Variants in DYNC2I1 observed in about 807,000 individuals in gnomAD.
DYNC2I1 encodes the protein dynein 2 intermediate chain 1, also known as cytoplasmic dynein 2 intermediate chain 1.
In DYNC2I1, 89 loss-of-function variants were observed where a neutral mutation model predicts 133.4. The ratio of observed to expected loss-of-function variants is 0.67; its 90% CI spans 0.56 to 0.80. The LOEUF is 0.80. DYNC2I1 is among the 30% of genes least tolerant of loss of function. DYNC2I1 has a pLI of 0.00. For missense variants in DYNC2I1, 1,291 were observed against 1,314.5 expected, an observed-to-expected ratio of 0.98 and a Z score of 0.28; for synonymous variants, 504 against 484.3, an observed-to-expected ratio of 1.04 and a Z score of -0.54.
intron 8 of DYNC2I1, among the ~76,000 whole-genome samples, chr7:158,900,863 G>A (rs956648385): frequency 2.0e-5 from 3 of 150,742 alleles, no homozygotes; most frequent in African/African-American, 7.3e-5. Context: ...GCCCATCAAA[G>A]TTGTTCTTCA....
chr7:158,952,720 A>G (rs1852090469), intron 4 of DYNC2I1, among the ~76,000 whole-genome samples: 1 of 151,416 alleles, frequency 6.6e-6, no homozygotes, highest in Admixed American at 6.6e-5. Flanking sequence ...GCATCGTAAG[A>G]CAGAGTCCGC....
rs368143870 is a variant in DYNC2I1, at chr7:158,926,219, C to A, written c.2290C>A (p.Pro764Thr). The change falls in exon 18 of 25, where the codon CCT (proline) becomes ACT (threonine). Residue 764 changes from proline (P) to threonine (T), a missense_variant. Pro to Thr is a conservative substitution (Grantham distance 38). Transcript: ENST00000407559. Reference protein sequence around the residue: ...GILTSVNHRSPLQAVEPISTS... With the variant: ...GILTSVNHRSTLQAVEPISTS... Reference sequence around the variant, plus strand: ...CCTTACCTCAGTAAACCACCGAAGCCCTCTTCAAGCAGTAGAACCTATCTC... The same window carrying A: ...CCTTACCTCAGTAAACCACCGAAGCACTCTTCAAGCAGTAGAACCTATCTC... 4.8e-5 allele frequency: 77 copies of A among 1,613,484 alleles called. No homozygotes were observed. The highest frequency in any genetic ancestry group is 6.4e-5 in the Non-Finnish European group (75 of 1,179,782).
downstream of DYNC2I1, among the ~76,000 whole-genome samples, chr7:158,957,105 C>G (rs1425767637): frequency 6.6e-6 from 1 of 151,960 alleles, no homozygotes; most frequent in East Asian, 1.9e-4. Context: ...ACCTTGCTCT[C>G]CACGACTTTA....
chr7:158,890,447 A>G (rs1845093715), intron 7 of DYNC2I1, among the ~76,000 whole-genome samples: 1 of 152,130 alleles, frequency 6.6e-6, no homozygotes. Flanking sequence ...CACTGAATTT[A>G]TCTTGGTTCA....
rs1851788927 is a variant in DYNC2I1, at chr7:158,945,472, T to A, written c.3003-109T>A. On this transcript the variant is annotated intron_variant, in intron 24 of 24. Coordinates refer to ENST00000407559, the MANE Select transcript of DYNC2I1 (RefSeq NM_018051.5). This position sits in a 1 kb window ranked among gnomAD's most constrained non-coding sequence, Gnocchi z 4.1. The stretch of plus-strand genomic sequence containing the variant: ...TTTGGCTATTGGTATTTTTAGAATT[T>A]CTCATCCGTTTCACTCTTCCCATGG... The A allele has an allele frequency of 2.5e-6, 3 of 1,220,028 alleles. No individual in the cohort carries two copies. The highest frequency in any genetic ancestry group is 3.4e-6 in the Non-Finnish European group (3 of 891,926). The allele number at this position is 1,220,028 out of a possible 1,614,324, so 75.6% of individuals were successfully genotyped here.
Position 158,860,094 on chromosome 7 carries a change from C to T in DYNC2I1, c.15+3344C>T, listed in dbSNP as rs529118425. Among the ~76,000 whole-genome samples, 7 of 149,952 alleles carry T rather than the reference C, an allele frequency of 4.7e-5. 1 individual carries two copies. The South Asian group carries it at 1.1e-3, about 23-fold the overall frequency. ...TTTGGAGACGAAGTCTCACTCTTGT[C>T]CCCTAGGCTGGAGTGCAGTGGTATG... On this transcript the variant is annotated intron_variant, in intron 1 of 24. Coordinates refer to ENST00000407559, the MANE Select transcript of DYNC2I1 (RefSeq NM_018051.5).
chr7:158,853,357 G>C (rs1421337452), upstream of DYNC2I1, among the ~76,000 whole-genome samples: 1 of 152,138 alleles, frequency 6.6e-6, no homozygotes, highest in Non-Finnish European at 1.5e-5. Flanking sequence ...CCTCCCTTTT[G>C]GAATCACGGA....
chr7:158,870,672 C>G (rs1462200200), intron 2 of DYNC2I1, among the ~76,000 whole-genome samples: 4 of 151,994 alleles, frequency 2.6e-5, no homozygotes, highest in Admixed American at 2.6e-4. Flanking sequence ...CATGCCTGGT[C>G]CTACTTATTT....
At chr7:158,941,239 T>C (rs542246115) in intron 23 of DYNC2I1, among the ~76,000 whole-genome samples, 2 of 152,152 alleles carry the variant, frequency 1.3e-5, no homozygotes, top group Non-Finnish European at 2.9e-5. Flanking sequence ...TTTATGAAAA[T>C]TTCAATCCAA....
intron 8 of DYNC2I1, among the ~76,000 whole-genome samples, chr7:158,898,870 GTTTT>G (rs558644591): frequency 7.2e-6 from 1 of 139,628 alleles, no homozygotes; most frequent in African/African-American, 2.6e-5. Context: ...GTTAAAGGTT[GTTTT>G]TTTTTTTTAA....
At chr7:158,890,005 C>CAAAAAA (rs35423707) in intron 7 of DYNC2I1, among the ~76,000 whole-genome samples, 2 of 67,982 alleles carry the variant, frequency 2.9e-5, no homozygotes, top group African/African-American at 5.3e-5. Flanking sequence ...GACTCCTTCT[C>CAAAAAA]AAAAAAAAAA....
intron 1 of DYNC2I1, among the ~76,000 whole-genome samples, chr7:158,864,984 C>A (rs28519411): frequency 7.9e-5 from 12 of 152,320 alleles, no homozygotes; most frequent in African/African-American, 2.9e-4. Context: ...GGAGTCTGCC[C>A]AGCTGTCGGA....
At position 158,926,398 on chromosome 7, in the gene DYNC2I1, T is replaced by C; in HGVS notation, c.2372-4T>C. On this transcript the variant is annotated splice_polypyrimidine_tract_variant and splice_region_variant and intron_variant, in intron 18 of 24. Coordinates refer to ENST00000407559, the MANE Select transcript of DYNC2I1 (RefSeq NM_018051.5). ...TTCTTTCTTTTTGTTTCTGTCTTCA[T>C]CAGAAATGTCAGGTTTGTCCTTCCA... 6.2e-7 allele frequency: 1 copy of C among 1,612,222 alleles called. No individual in the cohort carries two copies. Among genetic ancestry groups the C allele is most frequent in the Non-Finnish European group, 8.5e-7 (1 of 1,178,994 alleles).
intron 11 of DYNC2I1, among the ~76,000 whole-genome samples, chr7:158,910,036 T>C (rs1375540383): frequency 1.3e-5 from 2 of 152,286 alleles, no homozygotes; most frequent in East Asian, 3.9e-4. Flanking sequence ...GGTCATTCAC[T>C]GTGCATTCAT....
intron 15 of DYNC2I1, among the ~76,000 whole-genome samples, chr7:158,921,320 A>T (rs975206696): frequency 3.3e-5 from 5 of 152,162 alleles, no homozygotes; most frequent in African/African-American, 1.2e-4. Flanking sequence ...CGAGGAGACC[A>T]CGGTGGACAG....
At chr7:158,895,102 T>G (rs111558527) in intron 8 of DYNC2I1, among the ~76,000 whole-genome samples, 1,596 of 152,356 alleles carry the variant, frequency 0.01, 32 homozygotes, top group African/African-American at 0.036. Context: ...GTCTGTGACT[T>G]GTCTTCCTGT....
At chr7:158,911,865 C>CA (rs1287715652) in intron 12 of DYNC2I1, among the ~76,000 whole-genome samples, 186 bp downstream of exon 12, 8 of 152,324 alleles carry the variant, frequency 5.3e-5, no homozygotes, top group African/African-American at 1.9e-4. Context: ...CGGGCACAGG[C>CA]AAAGCCGGAG....
At chr7:158,926,336 A>G (rs373321001) in intron 18 of DYNC2I1, 36 bp downstream of exon 18, 149 of 1,602,068 alleles carry the variant, frequency 9.3e-5, no homozygotes, top group Non-Finnish European at 1.3e-4. Flanking sequence ...ATCCTTCATC[A>G]ATGGTTGTGA....
At chr7:158,852,670 C>T (rs529331324), upstream of DYNC2I1, among the ~76,000 whole-genome samples, 56 of 152,140 alleles carry the variant, frequency 3.7e-4, no homozygotes, top group Middle Eastern at 3.4e-3. Flanking sequence ...ACCCTGGAGG[C>T]GGAGGTTGCA....
Sources: allele counts gnomAD v4.1 joint callset (sites outside exome capture counted in the v4.1 genomes callset), GRCh38; gene constraint gnomAD v4.1.1; non-coding constraint Gnocchi (gnomAD v3.1); transcripts MANE v1.5; gene names NCBI Gene and HGNC (gene_info 2026-07-23, HGNC 2026-07-21).